ANKFN1: variants seen among roughly 807,000 people sequenced by gnomAD.
The protein encoded by ANKFN1 is ankyrin repeat and fibronectin type-III domain-containing protein 1.
ANKFN1 carries 74 observed loss-of-function variants against 108.7 expected under a neutral mutation model. That is an observed-to-expected ratio of 0.68 (90% CI 0.56 to 0.83). The LOEUF is 0.83. ANKFN1 is among the 40% of genes least tolerant of loss of function. ANKFN1 has a pLI of 0.00. For synonymous variants in ANKFN1, 547 were observed against 516.2 expected, an observed-to-expected ratio of 1.06 and a Z score of -0.81; for missense variants, 1,505 against 1,382.3, an observed-to-expected ratio of 1.09 and a Z score of -1.41.
chr17:56,453,000 A>G (rs1264407985), intron 11 of ANKFN1, among the ~76,000 whole-genome samples: 2 of 152,194 alleles, frequency 1.3e-5, no homozygotes, highest in African/African-American at 4.8e-5. Context: ...GAATAACTTC[A>G]GTAAAGCAGT....
At chr17:56,070,976 T>C (rs527871301) in intron 4 of ANKFN1, among the ~76,000 whole-genome samples, 2 of 149,582 alleles carry the variant, frequency 1.3e-5, no homozygotes, top group East Asian at 2.0e-4. Flanking sequence ...CCTCATGATC[T>C]GCCCACCTCA....
intron 11 of ANKFN1, among the ~76,000 whole-genome samples, chr17:56,453,782 C>A (rs1316152868): frequency 6.7e-6 from 1 of 150,000 alleles, no homozygotes; most frequent in Non-Finnish European, 1.5e-5. Context: ...GTATAGAATT[C>A]TTGGTTGAAA....
chr17:56,073,838 T>G (rs541208282), intron 4 of ANKFN1, among the ~76,000 whole-genome samples: 1 of 152,356 alleles, frequency 6.6e-6, no homozygotes, highest in East Asian at 1.9e-4. Context: ...CACGTATCAG[T>G]AGTCCGTTCC....
chr17:56,396,055 AC>A (rs2047575137), intron 8 of ANKFN1, among the ~76,000 whole-genome samples: 1 of 152,146 alleles, frequency 6.6e-6, no homozygotes, highest in Admixed American at 6.5e-5. Flanking sequence ...AACAAAAAAA[AC>A]AAAAAAATGC....
At chr17:56,466,272 A>T in intron 14 of ANKFN1, 84 bp from the exon 15 acceptor site, 1 of 1,226,054 alleles carries the variant, frequency 8.2e-7, no homozygotes, top group Non-Finnish European at 1.2e-6. Flanking sequence ...AAATCAGATT[A>T]TTATTCACGG....
At chr17:56,079,552 G>A (rs964313294) in intron 4 of ANKFN1, among the ~76,000 whole-genome samples, 149 of 152,280 alleles carry the variant, frequency 9.8e-4, no homozygotes, top group African/African-American at 3.5e-3. Flanking sequence ...AGAAAGAAGA[G>A]GAGAGGAAAG....
At chr17:56,410,207 C>G (rs2144987539) in intron 8 of ANKFN1, among the ~76,000 whole-genome samples, 1 of 152,274 alleles carries the variant, frequency 6.6e-6, no homozygotes, top group East Asian at 1.9e-4. Flanking sequence ...TCCCGAGTAA[C>G]TGGGACTACA....
chr17:56,083,288 C>T (rs900430999), intron 4 of ANKFN1, among the ~76,000 whole-genome samples: 2 of 151,374 alleles, frequency 1.3e-5, no homozygotes, highest in African/African-American at 4.9e-5. Context: ...CACTGGGTAA[C>T]TTCCTCTCCA....
At chr17:56,049,788 T>C (rs1259322057) in intron 4 of ANKFN1, among the ~76,000 whole-genome samples, 6 of 148,222 alleles carry the variant, frequency 4.0e-5, no homozygotes, top group African/African-American at 1.5e-4. Context: ...ATCCAGTCTA[T>C]CATTGTTGGA....
At chr17:56,259,018 C>T (rs951389367) in intron 3 of ANKFN1, among the ~76,000 whole-genome samples, 4 of 152,116 alleles carry the variant, frequency 2.6e-5, no homozygotes, top group African/African-American at 9.7e-5. Flanking sequence ...ATAAAGTGTC[C>T]ATGTGACTTG....
At chr17:56,441,086 A>G (rs1313563825) in intron 9 of ANKFN1, among the ~76,000 whole-genome samples, 1 of 152,176 alleles carries the variant, frequency 6.6e-6, no homozygotes, top group Admixed American at 6.5e-5. Flanking sequence ...CAAAAAAAAT[A>G]AAAACACCTT....
At chr17:56,350,083 G>A (rs909224052) in intron 4 of ANKFN1, among the ~76,000 whole-genome samples, 6 of 152,172 alleles carry the variant, frequency 3.9e-5, no homozygotes, top group Non-Finnish European at 7.4e-5. Context: ...AGAGATTTCT[G>A]AAACAATGGT....
intron 3 of ANKFN1, among the ~76,000 whole-genome samples, chr17:56,303,070 C>T (rs549865081): frequency 6.6e-6 from 1 of 152,334 alleles, no homozygotes; most frequent in East Asian, 1.9e-4. Flanking sequence ...AGGGCACTTC[C>T]TTTGGCTTCC....
chr17:56,487,255 A>T (rs933337193), intron 18 of ANKFN1, among the ~76,000 whole-genome samples: 1 of 152,014 alleles, frequency 6.6e-6, no homozygotes, highest in African/African-American at 2.4e-5. Context: ...GCAGGATAGG[A>T]CCCCTTTGCA....
chr17:56,144,185 A>AAC (rs1555600058), intron 4 of ANKFN1, among the ~76,000 whole-genome samples: 1 of 99,232 alleles, frequency 1.0e-5, no homozygotes, highest in African/African-American at 3.6e-5. Flanking sequence ...AAAAAAAAAA[A>AAC]CAGCCCAAAC....
intron 4 of ANKFN1, among the ~76,000 whole-genome samples, chr17:56,084,233 C>T (rs1350316331): frequency 6.6e-6 from 1 of 151,278 alleles, no homozygotes; most frequent in African/African-American, 2.4e-5. Flanking sequence ...AAATGGCCAC[C>T]TCAGAGAGTG....
At chr17:56,485,304 T>A (rs765001376) in intron 18 of ANKFN1, among the ~76,000 whole-genome samples, 2 of 152,222 alleles carry the variant, frequency 1.3e-5, no homozygotes, top group Non-Finnish European at 2.9e-5. Flanking sequence ...TGAAGTAAGC[T>A]GCACTTTATA....
intron 3 of ANKFN1, among the ~76,000 whole-genome samples, chr17:56,287,467 G>A (rs569591801): frequency 6.6e-6 from 1 of 152,270 alleles, no homozygotes; most frequent in South Asian, 2.1e-4. Context: ...GAAGTGCATA[G>A]GACATTGCCT....
intron 4 of ANKFN1, among the ~76,000 whole-genome samples, chr17:56,092,823 T>C (rs1258737827): frequency 6.6e-6 from 1 of 150,852 alleles, no homozygotes; most frequent in Non-Finnish European, 1.5e-5. Flanking sequence ...AAACCCTTTT[T>C]CCTTGTTGGC....
Sources: allele counts gnomAD v4.1 joint callset (sites outside exome capture counted in the v4.1 genomes callset), GRCh38; gene constraint gnomAD v4.1.1; transcripts MANE v1.5; gene names NCBI Gene and HGNC (gene_info 2026-07-23, HGNC 2026-07-21).